Variants in EFNA5 observed in about 807,000 individuals in gnomAD.
EFNA5 encodes ephrin-A5.
In EFNA5, 5 loss-of-function variants were observed where a neutral mutation model predicts 22.9. That is an observed-to-expected ratio of 0.22 (90% CI 0.11 to 0.46). The LOEUF (loss-of-function observed/expected upper bound fraction) is 0.46, where lower values mean the gene tolerates loss of function less well. EFNA5 is among the 20% of genes least tolerant of loss of function. The pLI is 0.99. For synonymous variants in EFNA5, 113 were observed against 112.2 expected, an observed-to-expected ratio of 1.01 and a Z score of -0.04; for missense variants, 237 against 293.3, an observed-to-expected ratio of 0.81 and a Z score of 1.40.
At chr5:107,608,604 C>G (rs539797778) in intron 1 of EFNA5, among the ~76,000 whole-genome samples, 1 of 152,322 alleles carries the variant, frequency 6.6e-6, no homozygotes, top group South Asian at 2.1e-4. Context: ...CCTGAGCTCC[C>G]AAGAGAGGTG....
At chr5:107,647,386 A>G (rs551858175) in intron 1 of EFNA5, among the ~76,000 whole-genome samples, 33 of 152,290 alleles carry the variant, frequency 2.2e-4, no homozygotes, top group African/African-American at 7.7e-4. Flanking sequence ...TCATAGCCCC[A>G]TAACTGGCAT....
Position 107,454,742 on chromosome 5 carries a change from A to T in EFNA5, c.126-27233T>A, listed in dbSNP as rs190730801. Among the ~76,000 whole-genome samples, 916 of 152,304 alleles carry T rather than the reference A, an allele frequency of 6.0e-3. 12 individuals are homozygous for T. The highest frequency in any genetic ancestry group is 0.02 in the African/African-American group (849 of 41,570). On this transcript the variant is annotated intron_variant, in intron 1 of 4. Transcript: ENST00000333274. Reference sequence around the variant, plus strand: ...GTATACTTTATTTGCTTACAAATGTATCACATTTAGTATATTTAGATATAG... The same window carrying T: ...GTATACTTTATTTGCTTACAAATGTTTCACATTTAGTATATTTAGATATAG...
chr5:107,397,832 T>A (rs1299817257), intron 2 of EFNA5, among the ~76,000 whole-genome samples: 1 of 152,200 alleles, frequency 6.6e-6, no homozygotes, highest in Non-Finnish European at 1.5e-5. Context: ...CTCAAAATGC[T>A]TTCCATGATA....
At chr5:107,517,375 C>T (rs1561419871) in intron 1 of EFNA5, among the ~76,000 whole-genome samples, 1 of 152,162 alleles carries the variant, frequency 6.6e-6, no homozygotes, top group African/African-American at 2.4e-5. Flanking sequence ...GAACTCCGGG[C>T]CAGACTGCCT....
intron 1 of EFNA5, among the ~76,000 whole-genome samples, chr5:107,573,637 C>T (rs1243171207): frequency 2.0e-5 from 3 of 152,204 alleles, no homozygotes; most frequent in East Asian, 1.9e-4. Flanking sequence ...CTTTTATTCA[C>T]CACTTCTTTT....
chr5:107,548,779 G>A (rs464950), intron 1 of EFNA5, among the ~76,000 whole-genome samples: 64,719 of 151,954 alleles, frequency 0.43, 13,891 homozygotes, highest in East Asian at 0.6. Context: ...TCTTTCAAAG[G>A]TGTGTTGGCT....
intron 1 of EFNA5, among the ~76,000 whole-genome samples, chr5:107,537,587 G>A (rs1290504994): frequency 9.2e-5 from 14 of 152,130 alleles, no homozygotes; most frequent in Admixed American, 4.6e-4. Flanking sequence ...CCACAAGAGC[G>A]AAACTCCTTC....
intron 1 of EFNA5, among the ~76,000 whole-genome samples, chr5:107,509,198 C>T (rs1028989310): frequency 3.9e-5 from 6 of 152,134 alleles, no homozygotes; most frequent in Non-Finnish European, 8.8e-5. Context: ...CCCATTAATA[C>T]ATAAGAGCAG....
intron 1 of EFNA5, among the ~76,000 whole-genome samples, chr5:107,664,583 C>A (rs1751031179): frequency 1.3e-5 from 2 of 152,092 alleles, no homozygotes; most frequent in East Asian, 1.9e-4. Context: ...CATCGTAAGA[C>A]AAATTATTAA....
chr5:107,566,428 A>T (rs1191005125), intron 1 of EFNA5, among the ~76,000 whole-genome samples: 1 of 152,340 alleles, frequency 6.6e-6, no homozygotes, highest in African/African-American at 2.4e-5. Context: ...AACGTAAAGG[A>T]AAAGGCTGTG....
At chr5:107,580,961 G>A (rs1749061161) in intron 1 of EFNA5, among the ~76,000 whole-genome samples, 1 of 152,186 alleles carries the variant, frequency 6.6e-6, no homozygotes, top group South Asian at 2.1e-4. Flanking sequence ...CATTGAGCCA[G>A]TACGTTGAGA....
At chr5:107,553,308 C>T (rs1317491793) in intron 1 of EFNA5, among the ~76,000 whole-genome samples, 1 of 152,132 alleles carries the variant, frequency 6.6e-6, no homozygotes, top group Non-Finnish European at 1.5e-5. Flanking sequence ...GCTGTGGAAA[C>T]GTTAGGGAAG....
At chr5:107,428,913 A>C (rs1035523703) in intron 1 of EFNA5, among the ~76,000 whole-genome samples, 14 of 152,228 alleles carry the variant, frequency 9.2e-5, no homozygotes, top group Non-Finnish European at 8.8e-5. Flanking sequence ...GGGAGTCCAT[A>C]AAACATTTCA....
At chr5:107,454,408 G>C (rs1039294060) in intron 1 of EFNA5, among the ~76,000 whole-genome samples, 1 of 151,918 alleles carries the variant, frequency 6.6e-6, no homozygotes, top group Non-Finnish European at 1.5e-5. Flanking sequence ...ATCATCCAAA[G>C]GACTACATTA....
intron 1 of EFNA5, among the ~76,000 whole-genome samples, chr5:107,580,450 A>G (rs987316860): frequency 4.6e-5 from 7 of 151,918 alleles, no homozygotes; most frequent in Non-Finnish European, 8.8e-5. Flanking sequence ...CTTTCACAGG[A>G]AAAAAAAGAA....
At chr5:107,525,527 A>G (rs185386946) in intron 1 of EFNA5, among the ~76,000 whole-genome samples, 43 of 152,356 alleles carry the variant, frequency 2.8e-4, no homozygotes, top group Non-Finnish European at 4.9e-4. Flanking sequence ...CTGATAACAT[A>G]AACAGTCAAT....
At chr5:107,667,847 A>T (rs1751110137) in intron 1 of EFNA5, among the ~76,000 whole-genome samples, 1 of 152,212 alleles carries the variant, frequency 6.6e-6, no homozygotes, top group Non-Finnish European at 1.5e-5. Flanking sequence ...ATTGCACAAC[A>T]GTGAATTTAT....
At chr5:107,395,678 A>G (rs1375370586) in intron 2 of EFNA5, among the ~76,000 whole-genome samples, 1 of 152,188 alleles carries the variant, frequency 6.6e-6, no homozygotes, top group Non-Finnish European at 1.5e-5. Context: ...CTCAGGCTTT[A>G]AGGTCAGCCA....
intron 1 of EFNA5, among the ~76,000 whole-genome samples, chr5:107,524,938 A>G (rs990257696): frequency 3.3e-5 from 5 of 152,252 alleles, no homozygotes; most frequent in African/African-American, 1.2e-4. Flanking sequence ...AGTTTTAATT[A>G]AACTCATACT....
Sources: allele counts gnomAD v4.1 joint callset (sites outside exome capture counted in the v4.1 genomes callset), GRCh38; gene constraint gnomAD v4.1.1; transcripts MANE v1.5; gene names NCBI Gene and HGNC (gene_info 2026-07-23, HGNC 2026-07-21).